Variants in ACER1 observed in about 807,000 individuals in gnomAD.
ACER1 encodes the protein alkaline ceramidase 1, also known as CTB-180A7.3.
Under a neutral mutation model 24.9 loss-of-function variants are expected in ACER1, and 28 were observed. The observed-to-expected ratio is 1.13, with a 90% CI of 0.83 to 1.54. ACER1 has a LOEUF of 1.54. Ranked by LOEUF, ACER1 falls within the 40% of genes most tolerant of loss-of-function variation. The pLI is 0.00. For missense variants in ACER1, 352 were observed against 349.3 expected (o/e 1.01, Z -0.06); for synonymous variants, 132 against 131.4 (o/e 1.00, Z -0.03).
At chr19:6,307,311 C>A (rs1245333727) in intron 4 of ACER1, 21 bp from the exon 5 acceptor site, 2 of 1,612,756 alleles carry the variant, frequency 1.2e-6, no homozygotes, top group African/African-American at 1.3e-5. Flanking sequence ...GAGAGGGGGA[C>A]CAGGGGCTGG....
chr19:6,311,012 T>C (rs2091577193), intron 3 of ACER1, among the ~76,000 whole-genome samples: 1 of 150,322 alleles, frequency 6.7e-6, no homozygotes, highest in Admixed American at 6.6e-5. Flanking sequence ...GAGGACTCAG[T>C]AGGATGAGAA....
At chr19:6,338,813 G>A in the ACER1 span, among the ~76,000 whole-genome samples, 1 of 151,868 alleles carries the variant, frequency 6.6e-6, no homozygotes, top group South Asian at 2.1e-4. Flanking sequence ...GAGCTCAAGC[G>A]ATCCTTCCAC....
At chr19:6,314,965 C>A (rs2091596245) in intron 1 of ACER1, among the ~76,000 whole-genome samples, 1 of 151,784 alleles carries the variant, frequency 6.6e-6, no homozygotes. Context: ...GATCTCAGCT[C>A]ACTGCAAGCT....
the ACER1 span, among the ~76,000 whole-genome samples, chr19:6,359,925 G>A: frequency 3.3e-5 from 5 of 152,246 alleles, no homozygotes; most frequent in African/African-American, 1.2e-4. Flanking sequence ...AGCACCTACT[G>A]TGTGTCAGGC....
upstream of ACER1, among the ~76,000 whole-genome samples, chr19:6,335,237 T>C (rs2091709071): frequency 7.0e-6 from 1 of 142,502 alleles, no homozygotes. Flanking sequence ...TTTTTTTTTT[T>C]TTTTTGAGAT....
intron 1 of ACER1, among the ~76,000 whole-genome samples, chr19:6,329,958 C>T (rs955986582): frequency 6.6e-6 from 1 of 150,770 alleles, no homozygotes; most frequent in African/African-American, 2.4e-5. Context: ...GCAAGTTCCA[C>T]CTACCGGGTT....
At chr19:6,350,734 G>C in the ACER1 span, among the ~76,000 whole-genome samples, 1 of 152,080 alleles carries the variant, frequency 6.6e-6, no homozygotes, top group Non-Finnish European at 1.5e-5. Context: ...CCATGAAAGC[G>C]GGGGTTGTTC....
upstream of ACER1, among the ~76,000 whole-genome samples, chr19:6,333,826 G>T (rs2091701872): frequency 6.6e-6 from 1 of 152,210 alleles, no homozygotes; most frequent in African/African-American, 2.4e-5. Flanking sequence ...GATTACCCAG[G>T]AATAGGAATC....
chr19:6,317,840 C>T (rs2091611243), intron 1 of ACER1, among the ~76,000 whole-genome samples: 1 of 151,996 alleles, frequency 6.6e-6, no homozygotes, highest in African/African-American at 2.4e-5. Context: ...CTGCAACCTC[C>T]ACCGCCCGGG....
intron 1 of ACER1, among the ~76,000 whole-genome samples, chr19:6,325,959 TTTTG>T (rs2091659042): frequency 6.6e-6 from 1 of 151,824 alleles, no homozygotes; most frequent in Admixed American, 6.6e-5. Context: ...TTGTTTTTGT[TTTTG>T]TTTTATTTTG....
At chr19:6,311,673 G>A (rs1015312661) in intron 3 of ACER1, among the ~76,000 whole-genome samples, 1 of 151,494 alleles carries the variant, frequency 6.6e-6, no homozygotes, top group Non-Finnish European at 1.5e-5. Context: ...GAAGGAGGAG[G>A]AGAAGGAGGA....
At chr19:6,317,848 G>A (rs192514285) in intron 1 of ACER1, among the ~76,000 whole-genome samples, 11 of 151,928 alleles carry the variant, frequency 7.2e-5, no homozygotes, top group East Asian at 3.9e-4. Flanking sequence ...TCCACCGCCC[G>A]GGTTCAAGCA....
At chr19:6,307,085 T>G in intron 5 of ACER1, 68 bp downstream of exon 5, 1 of 1,594,350 alleles carries the variant, frequency 6.3e-7, no homozygotes, top group Non-Finnish European at 8.6e-7. Context: ...CCCAGGTGCC[T>G]ACTCCGAGCT....
intron 1 of ACER1, among the ~76,000 whole-genome samples, chr19:6,324,205 T>C (rs555058172): frequency 1.0e-3 from 154 of 151,798 alleles, no homozygotes; most frequent in Non-Finnish European, 1.3e-3. Flanking sequence ...CCACCACGCC[T>C]GGCTATTTTT....
chr19:6,307,312 C>A (rs772652134), intron 4 of ACER1, 22 bp from the exon 5 acceptor site: 18 of 1,612,842 alleles, frequency 1.1e-5, no homozygotes, highest in Admixed American at 1.7e-5. Flanking sequence ...AGAGGGGGAC[C>A]AGGGGCTGGC....
intron 3 of ACER1, 59 bp from the exon 4 acceptor site, chr19:6,309,893 G>C: frequency 6.2e-7 from 1 of 1,601,336 alleles, no homozygotes. Context: ...TGTAGGCATG[G>C]TCACTTGGAG....
chr19:6,307,708 T>C (rs143347399), intron 4 of ACER1, among the ~76,000 whole-genome samples: 5,026 of 152,068 alleles, frequency 0.033, 282 homozygotes, highest in African/African-American at 0.12. Context: ...AGAGGATCAT[T>C]TGAGCCCAGG....
chr19:6,311,676 A>AAGGAGGAGGAGGTGGAAAAGT (rs2091582649), intron 3 of ACER1, among the ~76,000 whole-genome samples: 2 of 150,890 alleles, frequency 1.3e-5, no homozygotes, highest in Non-Finnish European at 3.0e-5. Flanking sequence ...GGAGGAGGAG[A>AAGGAGGAGGAGGTGGAAAAGT]AGGAGGAGGA....
At chr19:6,356,031 G>C in the ACER1 span, among the ~76,000 whole-genome samples, 8 of 151,628 alleles carry the variant, frequency 5.3e-5, no homozygotes, top group Admixed American at 2.0e-4. Context: ...GAATAGAAAG[G>C]GGGGAAAGGC....
Sources: gnomAD v4.1 joint callset for allele counts (sites outside exome capture counted in the v4.1 genomes callset) on GRCh38, gnomAD v4.1.1 for gene constraint, MANE v1.5 for transcripts, NCBI Gene and HGNC (gene_info 2026-07-23, HGNC 2026-07-21) for gene names.